Variants in SLC30A9 observed in about 807,000 individuals in gnomAD.
SLC30A9 encodes proton-coupled zinc antiporter SLC30A9, mitochondrial.
SLC30A9 carries 58 observed loss-of-function variants against 87.5 expected under a neutral mutation model. The ratio of observed to expected loss-of-function variants is 0.66; its 90% confidence interval spans 0.54 to 0.82. SLC30A9 has a LOEUF of 0.82. Ranked by LOEUF, SLC30A9 falls within the 40% of genes least tolerant of loss-of-function variation. The pLI is 0.00. For missense variants in SLC30A9, 557 were observed against 679.1 expected, an observed-to-expected ratio of 0.82 and a Z score of 2.00; for synonymous variants, 234 against 233.0, an observed-to-expected ratio of 1.00 and a Z score of -0.04.
chr4:42,085,057 C>G (rs372692547), intron 17 of SLC30A9, among the ~76,000 whole-genome samples: 4 of 152,194 alleles, frequency 2.6e-5, no homozygotes, highest in Non-Finnish European at 5.9e-5. Flanking sequence ...GCCTGTCTTT[C>G]CAGCCTCATT....
At chr4:42,029,994 G>C in intron 6 of SLC30A9, 1 of 900,018 alleles carries the variant, frequency 1.1e-6, no homozygotes. Flanking sequence ...TCTGCTTGTT[G>C]TACAGTTCAC....
chr4:41,993,378 C>G (rs1367225820), intron 1 of SLC30A9, among the ~76,000 whole-genome samples: 1 of 152,060 alleles, frequency 6.6e-6, no homozygotes, highest in Non-Finnish European at 1.5e-5. Flanking sequence ...AGTGACTACT[C>G]AATTAGATAG....
chr4:42,022,085 G>A (rs1382677183), intron 4 of SLC30A9, among the ~76,000 whole-genome samples: 1 of 74,752 alleles, frequency 1.3e-5, no homozygotes. Context: ...ACAGGCGCCC[G>A]CCACCACGCC....
chr4:42,040,803 AAAAAAAAG>A (rs1468643998), intron 8 of SLC30A9, among the ~76,000 whole-genome samples: 2 of 129,152 alleles, frequency 1.5e-5, no homozygotes, highest in African/African-American at 2.9e-5. Flanking sequence ...CTCAAAAAAA[AAAAAAAAG>A]AAAAAGAAAA....
intron 1 of SLC30A9, among the ~76,000 whole-genome samples, chr4:41,998,461 TC>T: frequency 1.3e-5 from 1 of 76,586 alleles, no homozygotes; most frequent in Non-Finnish European, 4.0e-5. Flanking sequence ...ATTCAGTAAT[TC>T]TTTTTTTTTG....
chr4:42,023,673 TATAAA>T (rs1461470807), intron 6 of SLC30A9, among the ~76,000 whole-genome samples: 53 of 152,308 alleles, frequency 3.5e-4, no homozygotes, highest in African/African-American at 1.3e-3. Flanking sequence ...TTATACTTGT[TATAAA>T]AGTGATAGAA....
Position 42,078,265 on chromosome 4 carries a change from T to G in SLC30A9, c.1602T>G (p.His534Gln). 1 of 1,588,792 alleles carries G rather than the reference T, an allele frequency of 6.3e-7. No homozygotes were observed. Among genetic ancestry groups the G allele is most frequent in the Non-Finnish European group, 8.6e-7 (1 of 1,162,524 alleles). The change falls in exon 17 of 18, where the codon CAT (histidine) becomes CAG (glutamine). Residue 534 changes from histidine (H) to glutamine (Q), a missense_variant. Coordinates refer to ENST00000264451, the MANE Select transcript of SLC30A9 (RefSeq NM_006345.4). ...PEELETFMLK[H>Q]GENIIDTLGA... ...AACTAGAGACCTTTATGCTTAAACA[T>G]GGAGAAAATATTATTGATACTTTAG...
In SLC30A9 at chr4:42,063,030, G is replaced by A; in HGVS notation, c.941G>A (p.Gly314Asp). The change falls in exon 11 of 18, where the codon GGT (glycine) becomes GAT (aspartate). Residue 314 changes from glycine (G) to aspartate (D), a missense_variant. By Grantham distance (94) the Gly-to-Asp change is moderately conservative (BLOSUM62 -1). Transcript: ENST00000264451. The stretch of plus-strand genomic sequence containing the variant: ...CGCTATATTTCTTCGCTAATTAGTG[G>A]TGTTGGTATTTTCATGATGGGTGCA... The part of the protein sequence containing the change: ...NMRYISSLIS[G>D]VGIFMMGAGL... 1.2e-6 allele frequency: 2 copies of A among 1,613,316 alleles called. No homozygotes were observed. The highest frequency in any genetic ancestry group is 1.7e-6 in the Non-Finnish European group (2 of 1,179,418).
At chr4:42,072,569 A>G (rs1409621794) in intron 15 of SLC30A9, among the ~76,000 whole-genome samples, 1 of 151,918 alleles carries the variant, frequency 6.6e-6, no homozygotes, top group East Asian at 1.9e-4. Context: ...ATTTCTTTCC[A>G]TTATTGATTT....
At chr4:41,996,486 C>T (rs951685438) in intron 1 of SLC30A9, among the ~76,000 whole-genome samples, 9 of 151,910 alleles carry the variant, frequency 5.9e-5, no homozygotes, top group African/African-American at 2.2e-4. Context: ...CCTGTAATCC[C>T]AGCAAAATTT....
chr4:42,053,032 G>GT lies in SLC30A9; in HGVS notation c.840+3559dup, dbSNP rs200449633. 6.5e-3 allele frequency among the ~76,000 whole-genome samples: 967 copies of GT among 148,742 alleles called. 15 individuals carry two copies. The highest frequency in any genetic ancestry group is 0.023 in the African/African-American group (930 of 41,140). On this transcript the variant is annotated intron_variant, in intron 9 of 17. Transcript: ENST00000264451. ...CGATTCAGTAATAAAATGAGAACCAGTTTTTTCCCCCCAAGGATAAAGATT... is the reference window on the plus strand; with the variant it reads ...CGATTCAGTAATAAAATGAGAACCAGTTTTTTTCCCCCCAAGGATAAAGATT...
rs1717929006 is a variant in SLC30A9, at chr4:42,063,036, G to T, written c.947G>T (p.Gly316Val). 1 of 1,613,344 alleles carries T rather than the reference G, an allele frequency of 6.2e-7. No homozygotes were observed. The highest frequency in any genetic ancestry group is 8.5e-7 in the Non-Finnish European group (1 of 1,179,376). Reference protein sequence around the residue: ...RYISSLISGVGIFMMGAGLSW... With the variant: ...RYISSLISGVVIFMMGAGLSW... ...ATTTCTTCGCTAATTAGTGGTGTTG[G>T]TATTTTCATGATGGGTGCAGGACTA... The change falls in exon 11 of 18, where the codon GGT (glycine) becomes GTT (valine). Residue 316 changes from glycine to valine, a missense_variant. This residue lies in a region of SLC30A9 where 467 missense variants were observed against 529.8 expected (regional missense o/e 0.88). Coordinates refer to ENST00000264451, the MANE Select transcript of SLC30A9 (RefSeq NM_006345.4).
chr4:42,081,544 C>G (rs1718740329), intron 17 of SLC30A9, among the ~76,000 whole-genome samples: 1 of 152,216 alleles, frequency 6.6e-6, no homozygotes, highest in African/African-American at 2.4e-5. Flanking sequence ...TTGAACCGCA[C>G]TTTGCAAACA....
At chr4:42,060,958 CAT>C (rs1418323162) in intron 10 of SLC30A9, among the ~76,000 whole-genome samples, 4 of 152,056 alleles carry the variant, frequency 2.6e-5, no homozygotes, top group African/African-American at 9.7e-5. Context: ...CCATAAATAA[CAT>C]ATTTGAATGT....
At chr4:42,065,170 G>T in intron 11 of SLC30A9, 140 bp from the exon 12 acceptor site, 1 of 627,376 alleles carries the variant, frequency 1.6e-6, no homozygotes, top group Non-Finnish European at 2.9e-6. Flanking sequence ...CTCCTCATTT[G>T]AGTTGTTTCC....
At chr4:42,046,807 G>A (rs1367845044) in intron 8 of SLC30A9, among the ~76,000 whole-genome samples, 2 of 152,268 alleles carry the variant, frequency 1.3e-5, no homozygotes, top group East Asian at 1.9e-4. Flanking sequence ...CAAAGCTGGA[G>A]GCATCATGCT....
At chr4:42,077,306 A>G (rs780945661) in intron 16 of SLC30A9, among the ~76,000 whole-genome samples, 2 of 152,208 alleles carry the variant, frequency 1.3e-5, no homozygotes, top group Non-Finnish European at 2.9e-5. Context: ...ATTGAAGTTC[A>G]TTGACCAGTG....
chr4:42,001,914 A>G, intron 2 of SLC30A9, 134 bp downstream of exon 2: 2 of 569,340 alleles, frequency 3.5e-6, no homozygotes, highest in Non-Finnish European at 6.0e-6. Context: ...GGGAACTATT[A>G]AAGCACTTAT....
At chr4:41,997,875 A>G (rs1714788780) in intron 1 of SLC30A9, among the ~76,000 whole-genome samples, 1 of 152,384 alleles carries the variant, frequency 6.6e-6, no homozygotes, top group South Asian at 2.1e-4. Context: ...TTATTGAAAT[A>G]GTCTCTTAAG....
Sources: gnomAD v4.1 joint callset for allele counts (sites outside exome capture counted in the v4.1 genomes callset) on GRCh38, gnomAD v4.1.1 for gene constraint, gnomAD v4.1.1 regional missense constraint, MANE v1.5 for transcripts, NCBI Gene and HGNC (gene_info 2026-07-23, HGNC 2026-07-21) for gene names.